Variants in NKAIN2 observed in about 807,000 individuals in gnomAD.
NKAIN2 encodes sodium/potassium-transporting ATPase subunit beta-1-interacting protein 2.
NKAIN2 carries 14 observed loss-of-function variants against 32.6 expected under a neutral mutation model. The observed-to-expected ratio is 0.43, with a 90% CI of 0.28 to 0.67. The LOEUF is 0.67. Ranked by LOEUF, NKAIN2 falls within the 30% of genes least tolerant of loss-of-function variation. The probability of loss-of-function intolerance (pLI) is 0.17; values close to 1 mark genes in which losing one functional copy is unlikely to be tolerated. For missense variants in NKAIN2, 198 were observed against 258.3 expected, an observed-to-expected ratio of 0.77 and a Z score of 1.60; for synonymous variants, 80 against 87.2, an observed-to-expected ratio of 0.92 and a Z score of 0.46.
intron 4 of NKAIN2, among the ~76,000 whole-genome samples, chr6:124,708,405 G>A (rs1775222797): frequency 6.6e-6 from 1 of 151,606 alleles, no homozygotes; most frequent in Non-Finnish European, 1.5e-5. Context: ...TGATGGGGAT[G>A]GCATTGAATC....
At chr6:124,337,347 A>C (rs1027300513) in intron 2 of NKAIN2, among the ~76,000 whole-genome samples, 2 of 152,014 alleles carry the variant, frequency 1.3e-5, no homozygotes, top group African/African-American at 4.8e-5. Flanking sequence ...ACTACAAAAT[A>C]ATAATAATAA....
intron 2 of NKAIN2, among the ~76,000 whole-genome samples, chr6:124,298,055 A>G (rs930598093): frequency 6.6e-6 from 1 of 152,166 alleles, no homozygotes; most frequent in Non-Finnish European, 1.5e-5. Context: ...AATGTTATCT[A>G]TTATGTTAAT....
rs180883411 is a variant in NKAIN2, at chr6:124,329,816, A to G, written c.193-25451A>G. Among the ~76,000 whole-genome samples, 5 of 152,284 alleles carry G rather than the reference A, an allele frequency of 3.3e-5. No homozygotes were observed. The East Asian group carries it at 9.7e-4, about 29-fold the overall frequency. ...TGCTGACTTCCCTCCTTTCTTTACTATAAAGTATGTCTCTAGTAGCAATAC... is the reference window on the plus strand; with the variant it reads ...TGCTGACTTCCCTCCTTTCTTTACTGTAAAGTATGTCTCTAGTAGCAATAC... On this transcript the variant is annotated intron_variant, in intron 2 of 6. Coordinates refer to ENST00000368417, the MANE Select transcript of NKAIN2 (RefSeq NM_001040214.3).
At chr6:124,269,306 T>C (rs1375188974) in intron 1 of NKAIN2, among the ~76,000 whole-genome samples, 1 of 152,146 alleles carries the variant, frequency 6.6e-6, no homozygotes, top group Admixed American at 6.6e-5. Flanking sequence ...CTAGGGTTAC[T>C]TCAAAGGGCA....
chr6:123,865,733 A>G (rs919088023), intron 1 of NKAIN2, among the ~76,000 whole-genome samples: 2 of 152,198 alleles, frequency 1.3e-5, no homozygotes, highest in Admixed American at 6.5e-5. Context: ...CCATGAGTCT[A>G]TGTCAAGCCA....
chr6:124,603,526 C>A (rs1029919931), intron 3 of NKAIN2, among the ~76,000 whole-genome samples: 3 of 151,892 alleles, frequency 2.0e-5, no homozygotes, highest in African/African-American at 7.2e-5. Context: ...TAATTTAACT[C>A]TTTTTCTTTG....
chr6:123,941,872 C>CT (rs199561062), intron 1 of NKAIN2, among the ~76,000 whole-genome samples: 26 of 151,808 alleles, frequency 1.7e-4, no homozygotes, highest in South Asian at 8.3e-4. Flanking sequence ...TGTGCCACCT[C>CT]TTTTTTTTAC....
At chr6:124,610,173 T>A (rs1045563113) in intron 3 of NKAIN2, among the ~76,000 whole-genome samples, 1 of 152,192 alleles carries the variant, frequency 6.6e-6, no homozygotes. Flanking sequence ...CAATGTATTA[T>A]AATTATTGAT....
Position 124,424,152 on chromosome 6 carries a change from C to T in NKAIN2, c.273+68805C>T, listed in dbSNP as rs2114542633. On this transcript the variant is annotated intron_variant, in intron 3 of 6. Coordinates refer to ENST00000368417, the MANE Select transcript of NKAIN2 (RefSeq NM_001040214.3). ...GTGACTACAGGTGCCCGCCACCATG[C>T]CCAGCTAATTTTTTGTATTTTTAGT... 2.0e-5 allele frequency among the ~76,000 whole-genome samples: 3 copies of T among 152,110 alleles called. No homozygotes were observed. The South Asian group carries it at 6.2e-4, about 32-fold the overall frequency.
intron 1 of NKAIN2, among the ~76,000 whole-genome samples, chr6:123,875,110 TG>T (rs1349560741): frequency 2.0e-5 from 3 of 152,022 alleles, no homozygotes; most frequent in Non-Finnish European, 4.4e-5. Flanking sequence ...TTTTTCCATT[TG>T]GGGACATTTA....
At chr6:124,216,965 C>T (rs908652878) in intron 1 of NKAIN2, among the ~76,000 whole-genome samples, 2 of 152,060 alleles carry the variant, frequency 1.3e-5, no homozygotes, top group Non-Finnish European at 2.9e-5. Flanking sequence ...CAAGAATTGA[C>T]TGTATATTAC....
chr6:124,365,874 C>A (rs567159721), intron 3 of NKAIN2, among the ~76,000 whole-genome samples: 2 of 152,016 alleles, frequency 1.3e-5, no homozygotes, highest in East Asian at 3.9e-4. Context: ...AAACAATATA[C>A]TTCTAAACCT....
rs1470433901 is a variant in NKAIN2 at position 124,397,060 on chromosome 6, A to G, written c.273+41713A>G. 2.0e-5 allele frequency among the ~76,000 whole-genome samples: 3 copies of G among 152,144 alleles called. No individual in the cohort carries two copies. In the East Asian group the frequency reaches 5.8e-4, roughly 29 times the overall value. ...TAACAGTAGTGGTTGATACTTCCAT[A>G]GATCTGATAAAATAAATATGGGCCT... On this transcript the variant is annotated intron_variant, in intron 3 of 6. Coordinates refer to ENST00000368417, the MANE Select transcript of NKAIN2 (RefSeq NM_001040214.3).
At chr6:124,280,110 AT>A (rs1270643959) in intron 1 of NKAIN2, among the ~76,000 whole-genome samples, 1 of 152,174 alleles carries the variant, frequency 6.6e-6, no homozygotes, top group Non-Finnish European at 1.5e-5. Context: ...AGCAGCATGT[AT>A]TTTGCTAGGC....
intron 2 of NKAIN2, among the ~76,000 whole-genome samples, chr6:124,286,811 A>G (rs1004586451): frequency 6.6e-5 from 10 of 151,972 alleles, no homozygotes; most frequent in Admixed American, 6.6e-4. Context: ...CCTCCCAAGT[A>G]GCTGGGACTA....
intron 2 of NKAIN2, among the ~76,000 whole-genome samples, chr6:124,306,328 G>T (rs1796503384): frequency 6.6e-6 from 1 of 151,888 alleles, no homozygotes; most frequent in Non-Finnish European, 1.5e-5. Context: ...CAAAAAGAAA[G>T]GTAAAGAATG....
At chr6:124,304,379 A>AT (rs1380454760) in intron 2 of NKAIN2, among the ~76,000 whole-genome samples, 3 of 152,180 alleles carry the variant, frequency 2.0e-5, no homozygotes, top group African/African-American at 4.8e-5. Flanking sequence ...TATGCTTGAT[A>AT]TAGACCATAA....
intron 4 of NKAIN2, among the ~76,000 whole-genome samples, chr6:124,790,603 A>G (rs1246411633): frequency 6.6e-6 from 1 of 152,120 alleles, no homozygotes; most frequent in East Asian, 1.9e-4. Flanking sequence ...AGCGCTCATA[A>G]GTTGACTAAG....
chr6:123,843,343 A>G lies in NKAIN2; in HGVS notation c.54+39089A>G, dbSNP rs142941434. Among the ~76,000 whole-genome samples the G allele has an allele frequency of 9.7e-4, 147 of 152,234 alleles. 1 individual carries two copies. The East Asian group carries it at 0.022, about 22-fold the overall frequency. On this transcript the variant is annotated intron_variant, in intron 1 of 6. Coordinates refer to ENST00000368417, the MANE Select transcript of NKAIN2 (RefSeq NM_001040214.3). ...TGGGGAGCTGGAAAGGGGATGGAGCAAGAAGATAATCTTCCCCTGGAGTTT... is the reference window on the plus strand; with the variant it reads ...TGGGGAGCTGGAAAGGGGATGGAGCGAGAAGATAATCTTCCCCTGGAGTTT...
Sources: allele counts gnomAD v4.1 joint callset (sites outside exome capture counted in the v4.1 genomes callset), GRCh38; gene constraint gnomAD v4.1.1; transcripts MANE v1.5; gene names NCBI Gene and HGNC (gene_info 2026-07-23, HGNC 2026-07-21).